Variants in RBFOX1 observed in about 807,000 individuals in gnomAD.
RBFOX1 encodes the protein RNA binding protein fox-1 homolog 1.
Under a neutral mutation model 57.7 loss-of-function variants are expected in RBFOX1, and 8 were observed. The ratio of observed to expected loss-of-function variants is 0.14; its 90% CI spans 0.08 to 0.25. The LOEUF (loss-of-function observed/expected upper bound fraction) is 0.25, where lower values mean the gene tolerates loss of function less well. Ranked by LOEUF, RBFOX1 falls within the 10% of genes least tolerant of loss-of-function variation. RBFOX1 has a pLI of 1.00. For synonymous variants in RBFOX1, 326 were observed against 222.4 expected (o/e 1.47, Z -4.15); for missense variants, 611 against 548.5 (o/e 1.11, Z -1.14).
At chr16:7,572,780 A>G (rs1207513697) in intron 5 of RBFOX1, among the ~76,000 whole-genome samples, 1 of 152,056 alleles carries the variant, frequency 6.6e-6, no homozygotes, top group East Asian at 1.9e-4. Flanking sequence ...CAGAGCTTGC[A>G]GTGAGCCAAG....
chr16:6,852,833 C>T (rs147295297), intron 3 of RBFOX1, among the ~76,000 whole-genome samples: 1 of 151,410 alleles, frequency 6.6e-6, no homozygotes, highest in Non-Finnish European at 1.5e-5. Flanking sequence ...AACTGCTTTC[C>T]AGGTGAGGTG....
intron 2 of RBFOX1, among the ~76,000 whole-genome samples, chr16:5,542,783 A>T (rs2045014821): frequency 6.6e-6 from 1 of 152,182 alleles, no homozygotes; most frequent in Admixed American, 6.6e-5. Flanking sequence ...AGGTTCTATG[A>T]TTTGATACTT....
chr16:6,104,818 A>C (rs1232472492), intron 1 of RBFOX1, among the ~76,000 whole-genome samples: 1 of 152,238 alleles, frequency 6.6e-6, no homozygotes. Context: ...TATTATGCAA[A>C]GTGAAGGAAG....
intron 2 of RBFOX1, among the ~76,000 whole-genome samples, chr16:5,524,001 C>T (rs1487497319): frequency 3.3e-5 from 5 of 152,170 alleles, no homozygotes; most frequent in African/African-American, 1.2e-4. Context: ...TTTAAACATA[C>T]CACTCATTCA....
intron 2 of RBFOX1, among the ~76,000 whole-genome samples, chr16:6,507,135 G>C (rs978583143): frequency 2.0e-5 from 3 of 152,100 alleles, no homozygotes; most frequent in Non-Finnish European, 2.9e-5. Context: ...AGCCTTCTGA[G>C]CCAGCATCGT....
chr16:5,881,173 G>C (rs995820578), intron 4 of RBFOX1, among the ~76,000 whole-genome samples: 3 of 152,198 alleles, frequency 2.0e-5, no homozygotes, highest in African/African-American at 7.2e-5. Context: ...TGGATCCCCA[G>C]TGAAGAATCC....
chr16:5,969,041 T>C (rs182378064), intron 4 of RBFOX1, among the ~76,000 whole-genome samples: 2 of 152,076 alleles, frequency 1.3e-5, no homozygotes, highest in African/African-American at 4.8e-5. Context: ...AATGAGTTTT[T>C]TCTTTTATTT....
At chr16:5,852,531 G>A (rs1435250183) in intron 3 of RBFOX1, among the ~76,000 whole-genome samples, 1 of 152,174 alleles carries the variant, frequency 6.6e-6, no homozygotes, top group East Asian at 1.9e-4. Context: ...TCCGGATGGA[G>A]GTCAATGCAT....
At chr16:5,964,906 A>G (rs2059815141) in intron 4 of RBFOX1, among the ~76,000 whole-genome samples, 1 of 152,124 alleles carries the variant, frequency 6.6e-6, no homozygotes, top group Admixed American at 6.5e-5. Context: ...GTATATATAT[A>G]GATATGTTTG....
chr16:6,617,987 C>T (rs2098168175), intron 2 of RBFOX1, among the ~76,000 whole-genome samples: 1 of 152,114 alleles, frequency 6.6e-6, no homozygotes, highest in Non-Finnish European at 1.5e-5. Context: ...CAGAAGGCTA[C>T]CCTTATCTTT....
chr16:6,360,392 A>C (rs2088224664), intron 2 of RBFOX1, among the ~76,000 whole-genome samples: 1 of 152,156 alleles, frequency 6.6e-6, no homozygotes, highest in Non-Finnish European at 1.5e-5. Context: ...TTTCTTATCA[A>C]ATTTATTGAG....
At chr16:7,505,188 C>T (rs895763307) in intron 4 of RBFOX1, among the ~76,000 whole-genome samples, 3 of 148,048 alleles carry the variant, frequency 2.0e-5, no homozygotes, top group Non-Finnish European at 1.5e-5. Flanking sequence ...TGTGTGCTCG[C>T]ATGTGTGTGC....
intron 3 of RBFOX1, among the ~76,000 whole-genome samples, chr16:6,830,472 A>G (rs543144013): frequency 2.0e-5 from 3 of 152,206 alleles, no homozygotes; most frequent in Non-Finnish European, 4.4e-5. Context: ...AATAAGCAGG[A>G]TAAAAGCATC....
chr16:5,561,396 C>T (rs148610868), intron 2 of RBFOX1, among the ~76,000 whole-genome samples: 1,785 of 152,062 alleles, frequency 0.012, 12 homozygotes, highest in Middle Eastern at 0.041. Context: ...TAAAAACCCC[C>T]AAATTTGTAA....
At chr16:6,162,789 A>G (rs1236228715) in intron 1 of RBFOX1, among the ~76,000 whole-genome samples, 1 of 152,204 alleles carries the variant, frequency 6.6e-6, no homozygotes, top group Admixed American at 6.5e-5. Context: ...GCTAAACTGT[A>G]GTGACATGAT....
At chr16:6,890,791 T>C (rs1596329900) in intron 3 of RBFOX1, among the ~76,000 whole-genome samples, 2 of 152,302 alleles carry the variant, frequency 1.3e-5, no homozygotes, top group South Asian at 2.1e-4. Flanking sequence ...ACGTACCCAC[T>C]CTCTGTTCTG....
At chr16:6,427,110 G>A (rs187836714) in intron 2 of RBFOX1, among the ~76,000 whole-genome samples, 6 of 152,294 alleles carry the variant, frequency 3.9e-5, no homozygotes, top group Admixed American at 1.3e-4. Context: ...ACAGAAACCC[G>A]ATAACAATGG....
chr16:6,522,859 C>G (rs529906754), intron 2 of RBFOX1, among the ~76,000 whole-genome samples: 3 of 152,096 alleles, frequency 2.0e-5, no homozygotes, highest in Non-Finnish European at 2.9e-5. Context: ...ACAAACTTCT[C>G]TCTCTAGCCA....
chr16:6,686,067 A>T (rs561089369), intron 3 of RBFOX1, among the ~76,000 whole-genome samples: 1 of 152,324 alleles, frequency 6.6e-6, no homozygotes, highest in Non-Finnish European at 1.5e-5. Flanking sequence ...GGCTGGGCCC[A>T]GCGCTGTGCT....
Sources: allele counts gnomAD v4.1 joint callset (sites outside exome capture counted in the v4.1 genomes callset), GRCh38; gene constraint gnomAD v4.1.1; transcripts MANE v1.5; gene names NCBI Gene and HGNC (gene_info 2026-07-23, HGNC 2026-07-21).